Variants in RAF1 observed in about 807,000 individuals in gnomAD.
RAF1 encodes the protein RAF proto-oncogene serine/threonine-protein kinase.
Under a neutral mutation model 81.1 loss-of-function variants are expected in RAF1, and 27 were observed. That is an observed-to-expected ratio of 0.33 (90% CI 0.25 to 0.46). The LOEUF (loss-of-function observed/expected upper bound fraction) is 0.46, where lower values mean the gene tolerates loss of function less well. Among genes scored for constraint, RAF1 ranks in the 20% least tolerant of loss-of-function variants. RAF1 has a pLI of 1.00. For synonymous variants in RAF1, 298 were observed against 294.0 expected, an observed-to-expected ratio of 1.01 and a Z score of -0.14; for missense variants, 598 against 826.0, an observed-to-expected ratio of 0.72 and a Z score of 3.38.
chr3:12,644,680 T>TA (rs2060291442), intron 1 of RAF1, among the ~76,000 whole-genome samples: 1 of 152,196 alleles, frequency 6.6e-6, no homozygotes. Context: ...ATAAACAATG[T>TA]AAATACTTCA....
At chr3:12,592,928 A>G (rs563248521) in intron 11 of RAF1, among the ~76,000 whole-genome samples, 50 of 150,292 alleles carry the variant, frequency 3.3e-4, no homozygotes, top group Admixed American at 3.2e-3. Context: ...TTTAGTAGAG[A>G]CGGGGTTTCA....
In RAF1 at chr3:12,663,796, C is replaced by G; in HGVS notation, c.-27+17G>C. The stretch of plus-strand genomic sequence containing the variant: ...GCCCGGCTCCCCCGGCATCCACGAC[C>G]CGGTCCTGCCACCTACCTGAGGGAG... On this transcript the variant is annotated intron_variant, in intron 1 of 17. Coordinates refer to ENST00000442415, the MANE Select transcript of RAF1 (RefSeq NM_001354689.3). The G allele has an allele frequency of 5.0e-6, 2 of 396,964 alleles. No homozygotes were observed. The highest frequency in any genetic ancestry group is 4.4e-6 in the Non-Finnish European group (1 of 225,266). The allele number at this position is 396,964 out of a possible 1,614,324, so 24.6% of individuals were successfully genotyped here. A position where few individuals can be genotyped will look rare whatever the true frequency, so the allele number is the denominator to read the frequency against.
intron 1 of RAF1, among the ~76,000 whole-genome samples, chr3:12,655,623 C>G (rs1160110415): frequency 6.6e-6 from 1 of 152,004 alleles, no homozygotes; most frequent in Non-Finnish European, 1.5e-5. Flanking sequence ...ATTTGTACAC[C>G]AATGTTCACT....
At chr3:12,600,495 G>A in intron 8 of RAF1, 80 bp from the exon 8 acceptor site, 1 of 1,469,658 alleles carries the variant, frequency 6.8e-7, no homozygotes, top group Non-Finnish European at 9.5e-7. Flanking sequence ...GGAGGAGGAT[G>A]TGCAAGAACA....
intron 1 of RAF1, among the ~76,000 whole-genome samples, chr3:12,620,918 GAGTTCAGAGTTCAGTTCA>G (rs2059539433): frequency 6.6e-6 from 1 of 151,274 alleles, no homozygotes; most frequent in Admixed American, 6.6e-5. Flanking sequence ...AGTTCATTCA[GAGTTCAGAGTTCAGTTCA>G]TTCAGAGTTC....
At chr3:12,631,740 A>G (rs180914245) in intron 1 of RAF1, among the ~76,000 whole-genome samples, 113 of 152,326 alleles carry the variant, frequency 7.4e-4, no homozygotes, top group African/African-American at 2.5e-3. Context: ...GAGGGTGGAA[A>G]TTCAGCTCAT....
At chr3:12,614,458 A>G (rs2059312278) in intron 2 of RAF1, among the ~76,000 whole-genome samples, 1 of 152,066 alleles carries the variant, frequency 6.6e-6, no homozygotes, top group South Asian at 2.1e-4. Flanking sequence ...ACTGAGACAG[A>G]ATCTTGCTCT....
chr3:12,593,610 A>C (rs2058591520), intron 11 of RAF1, among the ~76,000 whole-genome samples: 1 of 151,998 alleles, frequency 6.6e-6, no homozygotes, highest in Non-Finnish European at 1.5e-5. Flanking sequence ...CTATGTTTGG[A>C]GCTACCTTCT....
chr3:12,624,124 G>A lies in RAF1; in HGVS notation c.-26-5377C>T, dbSNP rs187530631. On this transcript the variant is annotated intron_variant, in intron 1 of 17. Transcript: ENST00000442415. ...CCCGCCTCAGCCTCCCAAGTGTTGG[G>A]ATTACAGGTGTGAGCCACTGCACCC... Among the ~76,000 whole-genome samples the A allele has an allele frequency of 4.3e-3, 649 of 152,124 alleles. 5 individuals are homozygous for A. The highest frequency in any genetic ancestry group is 0.015 in the African/African-American group (614 of 41,512).
Position 12,587,837 on chromosome 3 carries a change from C to CTT in RAF1, c.1431-202_1431-201dup, listed in dbSNP as rs374515740. On this transcript the variant is annotated intron_variant, in intron 13 of 17. Transcript: ENST00000442415. ...GGCCACAGCACAAACATGCTTACACCTTTTTTTTTTTTTTTTTGGAGACTG... is the reference window on the plus strand; with the variant it reads ...GGCCACAGCACAAACATGCTTACACCTTTTTTTTTTTTTTTTTTTGGAGACTG... 4,650 of 194,378 alleles carry CTT rather than the reference C, an allele frequency of 0.024. 488 individuals are homozygous for CTT. The highest frequency in any genetic ancestry group is 0.13 in the African/African-American group (3,997 of 31,238). The allele number at this position is 194,378 out of a possible 1,614,324, so 12.0% of individuals were successfully genotyped here. A position where few individuals can be genotyped will look rare whatever the true frequency, so the allele number is the denominator to read the frequency against.
At chr3:12,657,521 C>G (rs2060734140) in intron 1 of RAF1, among the ~76,000 whole-genome samples, 1 of 152,132 alleles carries the variant, frequency 6.6e-6, no homozygotes, top group African/African-American at 2.4e-5. Context: ...CTGTAAATCC[C>G]AGCACTTTGG....
chr3:12,635,585 G>A (rs1250714538), intron 1 of RAF1, among the ~76,000 whole-genome samples: 2 of 144,634 alleles, frequency 1.4e-5, no homozygotes, highest in Non-Finnish European at 1.5e-5. Context: ...GCAGTGAGCC[G>A]AGATCGTGCC....
rs567531464 is a variant in RAF1 at position 12,612,585 on chromosome 3, G to A, written c.208-523C>T. Among the ~76,000 whole-genome samples the A allele has an allele frequency of 4.0e-5, 6 of 149,684 alleles. No individual in the cohort carries two copies. The South Asian group carries it at 1.3e-3, about 31-fold the overall frequency. On this transcript the variant is annotated intron_variant, in intron 2 of 17. Coordinates refer to ENST00000442415, the MANE Select transcript of RAF1 (RefSeq NM_001354689.3). The stretch of plus-strand genomic sequence containing the variant: ...AATTGCTGGAACCCAGGAGGGAGAG[G>A]TTGCAGTGAGCTGAGATCGCACCAT...
intron 1 of RAF1, among the ~76,000 whole-genome samples, chr3:12,630,403 CCA>C (rs2059827232): frequency 6.6e-6 from 1 of 152,120 alleles, no homozygotes; most frequent in Non-Finnish European, 1.5e-5. Context: ...ACACAAGGAT[CCA>C]TGATCATAAG....
In RAF1 at chr3:12,584,407, A is replaced by T; in HGVS notation, c.*107T>A. ...AGCAGTCTAGAAGGTCCTTAGCAGCAGCTTCTCTGAAAACATGTGTTCTGC... is the reference window on the plus strand; with the variant it reads ...AGCAGTCTAGAAGGTCCTTAGCAGCTGCTTCTCTGAAAACATGTGTTCTGC... On this transcript the variant is annotated 3_prime_UTR_variant, in exon 18 of 18. Coordinates refer to ENST00000442415, the MANE Select transcript of RAF1 (RefSeq NM_001354689.3). 1 of 1,432,562 alleles carries T rather than the reference A, an allele frequency of 7.0e-7. No individual in the cohort carries two copies. Among genetic ancestry groups the T allele is most frequent in the Non-Finnish European group, 9.8e-7 (1 of 1,025,142 alleles). 88.7% of individuals were successfully genotyped at this position (1,432,562 alleles called of 1,614,324 possible).
chr3:12,632,808 T>G (rs2059902733), intron 1 of RAF1, among the ~76,000 whole-genome samples: 1 of 152,110 alleles, frequency 6.6e-6, no homozygotes, highest in Admixed American at 6.6e-5. Flanking sequence ...AACCTTGTAA[T>G]GACATGGACA....
intron 6 of RAF1, among the ~76,000 whole-genome samples, chr3:12,605,248 T>TTGTGTGTGTGTG (rs745742208): frequency 5.4e-5 from 6 of 111,654 alleles, no homozygotes; most frequent in South Asian, 2.5e-4. Context: ...TGATTACACA[T>TTGTGTGTGTGTG]TATGTGTGTG....
intron 1 of RAF1, among the ~76,000 whole-genome samples, chr3:12,636,450 A>AC (rs36107147): frequency 3.3e-5 from 5 of 150,568 alleles, no homozygotes; most frequent in Non-Finnish European, 7.4e-5. Context: ...CTTTAAAAAA[A>AC]AAAAAACTGA....
intron 1 of RAF1, 48 bp from the exon 2 acceptor site, chr3:12,618,795 C>A: frequency 2.9e-6 from 4 of 1,370,400 alleles, no homozygotes; most frequent in Non-Finnish European, 3.1e-6. Flanking sequence ...AAGTATTCAA[C>A]CCAAGAACAC....
Sources: gnomAD v4.1 joint callset for allele counts (sites outside exome capture counted in the v4.1 genomes callset) on GRCh38, gnomAD v4.1.1 for gene constraint, MANE v1.5 for transcripts, NCBI Gene and HGNC (gene_info 2026-07-23, HGNC 2026-07-21) for gene names.